The following FUT9 variants were observed in gnomAD, a reference collection of about 807,000 sequenced individuals.
The protein encoded by FUT9 is fucosyltransferase 9.
In FUT9, 15 loss-of-function variants were observed where a neutral mutation model predicts 29.7. That is an observed-to-expected ratio of 0.51 (90% CI 0.34 to 0.78). The LOEUF (loss-of-function observed/expected upper bound fraction) is 0.78, where lower values mean the gene tolerates loss of function less well. FUT9 is among the 30% of genes least tolerant of loss of function. The probability of loss-of-function intolerance (pLI) is 0.01; values close to 1 mark genes in which losing one functional copy is unlikely to be tolerated. For missense variants in FUT9, 319 were observed against 425.4 expected (o/e 0.75, Z 2.20); for synonymous variants, 169 against 153.7 (o/e 1.10, Z -0.74).
intron 1 of FUT9, among the ~76,000 whole-genome samples, chr6:96,058,265 AG>A (rs1187514473): frequency 6.6e-6 from 1 of 152,050 alleles, no homozygotes; most frequent in Non-Finnish European, 1.5e-5. Context: ...CATTGTTCAA[AG>A]GGTTTGATTC....
At chr6:96,198,103 CTT>C (rs1234754728) in intron 2 of FUT9, among the ~76,000 whole-genome samples, 18 of 150,376 alleles carry the variant, frequency 1.2e-4, no homozygotes, top group African/African-American at 4.1e-4. Flanking sequence ...GTAGAGTGTT[CTT>C]TTTTTTTCCT....
intron 2 of FUT9, among the ~76,000 whole-genome samples, chr6:96,192,493 G>A (rs4840237): frequency 0.91 from 138,832 of 152,088 alleles, 64,708 homozygotes; most frequent in Non-Finnish European, 1. Flanking sequence ...TCCAACTTAC[G>A]AGGGATGTGA....
intron 1 of FUT9, among the ~76,000 whole-genome samples, chr6:96,074,657 A>T (rs910972965): frequency 1.3e-5 from 2 of 152,220 alleles, no homozygotes; most frequent in East Asian, 3.9e-4. Context: ...GGTCACCTAT[A>T]TAACTATAGT....
chr6:96,144,885 C>G (rs1321764989), intron 2 of FUT9, among the ~76,000 whole-genome samples: 1 of 152,054 alleles, frequency 6.6e-6, no homozygotes, highest in Admixed American at 6.5e-5. Context: ...GAAAAGAAAA[C>G]AAATTAAAAG....
At chr6:96,110,436 A>G (rs1178785761) in intron 1 of FUT9, among the ~76,000 whole-genome samples, 1 of 152,170 alleles carries the variant, frequency 6.6e-6, no homozygotes, top group East Asian at 1.9e-4. Flanking sequence ...TGGGATCCAC[A>G]TGTTAGCTTG....
intron 2 of FUT9, among the ~76,000 whole-genome samples, chr6:96,131,674 T>G (rs985471730): frequency 1.3e-5 from 2 of 152,148 alleles, no homozygotes; most frequent in African/African-American, 4.8e-5. Flanking sequence ...ATTCAGTGAT[T>G]CTTCTGGGAG....
intron 1 of FUT9, among the ~76,000 whole-genome samples, chr6:96,102,273 G>T (rs1440796448): frequency 1.3e-5 from 2 of 151,732 alleles, no homozygotes. Flanking sequence ...TTATTACAAT[G>T]ACAAGTAAGA....
chr6:96,102,211 T>C (rs1771598051), intron 1 of FUT9, among the ~76,000 whole-genome samples: 1 of 152,052 alleles, frequency 6.6e-6, no homozygotes, highest in Non-Finnish European at 1.5e-5. Flanking sequence ...CTAATGTAAA[T>C]GTTCATATGT....
intron 2 of FUT9, among the ~76,000 whole-genome samples, chr6:96,194,262 G>A (rs929231779): frequency 2.6e-5 from 4 of 152,144 alleles, no homozygotes; most frequent in Non-Finnish European, 4.4e-5. Context: ...AAAGCATGTT[G>A]CTAGGCCTCT....
chr6:96,035,571 A>T (rs1469122028), intron 1 of FUT9, among the ~76,000 whole-genome samples: 1 of 147,722 alleles, frequency 6.8e-6, no homozygotes, highest in Non-Finnish European at 1.5e-5. Flanking sequence ...AGATCAATGT[A>T]ATATTTACCC....
chr6:96,038,603 T>C (rs962173106), intron 1 of FUT9, among the ~76,000 whole-genome samples: 2 of 152,142 alleles, frequency 1.3e-5, no homozygotes, highest in Non-Finnish European at 1.5e-5. Flanking sequence ...GGGAAAAATA[T>C]GTCCAATATG....
intron 1 of FUT9, among the ~76,000 whole-genome samples, chr6:96,085,946 A>G (rs2127952243): frequency 6.6e-6 from 1 of 152,282 alleles, no homozygotes; most frequent in African/African-American, 2.4e-5. Context: ...TTGTGGGCCT[A>G]TATGAAAGTT....
chr6:96,100,865 C>A (rs1771575305), intron 1 of FUT9, among the ~76,000 whole-genome samples: 3 of 152,080 alleles, frequency 2.0e-5, no homozygotes, highest in Admixed American at 1.3e-4. Flanking sequence ...TGTGAAGATA[C>A]TCTTGGCTGT....
At chr6:96,151,850 C>T (rs1772682032) in intron 2 of FUT9, among the ~76,000 whole-genome samples, 2 of 152,140 alleles carry the variant, frequency 1.3e-5, no homozygotes, top group South Asian at 4.1e-4. Flanking sequence ...CTATTTTAAT[C>T]ACCAGAGCCT....
chr6:96,105,532 C>A (rs972441385), intron 1 of FUT9, among the ~76,000 whole-genome samples: 1 of 152,120 alleles, frequency 6.6e-6, no homozygotes, highest in East Asian at 1.9e-4. Context: ...TTGTTGATTA[C>A]AAAATACATA....
chr6:96,030,096 C>A (rs1770234633), intron 1 of FUT9, among the ~76,000 whole-genome samples: 1 of 151,688 alleles, frequency 6.6e-6, no homozygotes, highest in East Asian at 1.9e-4. Context: ...GAGTCGAAAT[C>A]AGTAACTATA....
intron 2 of FUT9, among the ~76,000 whole-genome samples, chr6:96,199,923 A>G (rs1773698073): frequency 6.6e-6 from 1 of 152,112 alleles, no homozygotes; most frequent in African/African-American, 2.4e-5. Flanking sequence ...CCCCTCACAA[A>G]GCTTACATTC....
chr6:96,170,553 C>CAT (rs1048816673), intron 2 of FUT9, among the ~76,000 whole-genome samples: 9 of 150,502 alleles, frequency 6.0e-5, no homozygotes, highest in African/African-American at 2.2e-4. Flanking sequence ...CTTTCACACA[C>CAT]ACACACACAC....
At chr6:96,034,786 A>G (rs1770322772) in intron 1 of FUT9, among the ~76,000 whole-genome samples, 1 of 151,732 alleles carries the variant, frequency 6.6e-6, no homozygotes, top group African/African-American at 2.4e-5. Context: ...TAACAGGTGC[A>G]AAGAATGCTA....
Sources: gnomAD v4.1 joint callset for allele counts (sites outside exome capture counted in the v4.1 genomes callset) on GRCh38, gnomAD v4.1.1 for gene constraint, MANE v1.5 for transcripts, NCBI Gene and HGNC (gene_info 2026-07-23, HGNC 2026-07-21) for gene names.